Variants in TRIM22 observed in about 807,000 individuals in gnomAD.
The protein encoded by TRIM22 is tripartite motif containing 22.
Under a neutral mutation model 53.6 loss-of-function variants are expected in TRIM22, and 45 were observed. The observed-to-expected ratio is 0.84, with a 90% confidence interval of 0.66 to 1.08. The LOEUF (loss-of-function observed/expected upper bound fraction) is 1.08. Among genes scored for constraint, TRIM22 ranks in the 50% least tolerant of loss-of-function variants. The pLI is 0.00. For missense variants in TRIM22, 616 were observed against 590.9 expected (o/e 1.04, Z -0.44); for synonymous variants, 225 against 216.6 (o/e 1.04, Z -0.34).
chr11:5,696,610 A>AG lies in TRIM22; in HGVS notation c.380dup (p.His128SerfsTer32). 2.5e-6 allele frequency: 4 copies of AG among 1,613,672 alleles called. No homozygotes were observed. Among genetic ancestry groups the AG allele is most frequent in the Non-Finnish European group, 3.4e-6 (4 of 1,180,030 alleles). On this transcript the variant is annotated frameshift_variant, in exon 2 of 8. Coordinates refer to ENST00000379965, the MANE Select transcript of TRIM22 (RefSeq NM_006074.5). LOFTEE classifies it high-confidence loss of function. Reference sequence around the variant, plus strand: ...TTTGTGAACTGTCTCAGGAACACCAAGGTCACCAAACATTCCGCATAAACG... The same window carrying AG: ...TTTGTGAACTGTCTCAGGAACACCAAGGGTCACCAAACATTCCGCATAAACG...
rs11365248 is a variant in TRIM22, at chr11:5,698,585, GA to G, written c.750+45del. The G allele has an allele frequency of 0.011, 16,079 of 1,512,250 alleles. 1,398 individuals are homozygous for G. In the African/African-American group the frequency reaches 0.19, roughly 18 times the overall value. The allele number at this position is 1,512,250 out of a possible 1,614,324, so 93.7% of individuals were successfully genotyped here. A position where few individuals can be genotyped will look rare whatever the true frequency, so the allele number is the denominator to read the frequency against. On this transcript the variant is annotated intron_variant, in intron 4 of 7. Coordinates refer to ENST00000379965, the MANE Select transcript of TRIM22 (RefSeq NM_006074.5). ...GGAGCACCTACGTAAGAGATTAGGG[GA>G]AAAACACAGAGGCCGATTTTCCTTC...
intron 5 of TRIM22, among the ~76,000 whole-genome samples, chr11:5,707,807 A>G (rs986539222): frequency 1.3e-5 from 2 of 150,300 alleles, no homozygotes; most frequent in African/African-American, 5.0e-5. Context: ...GTGAGACCCC[A>G]TCTCAAAACA....
intron 3 of TRIM22, 22 bp from the exon 4 acceptor site, chr11:5,698,293 T>A (rs764443704): frequency 6.2e-7 from 1 of 1,606,514 alleles, no homozygotes; most frequent in South Asian, 1.1e-5. Context: ...ACTGACTGCC[T>A]CTTTCTCTTT....
intron 4 of TRIM22, among the ~76,000 whole-genome samples, chr11:5,699,340 A>C (rs1215857834): frequency 2.3e-5 from 3 of 132,184 alleles, no homozygotes; most frequent in Non-Finnish European, 3.1e-5. Context: ...CTGGCTAACA[A>C]GGTGAAACCC....
At chr11:5,704,676 C>A (rs1270809224) in intron 4 of TRIM22, among the ~76,000 whole-genome samples, 1 of 151,920 alleles carries the variant, frequency 6.6e-6, no homozygotes, top group African/African-American at 2.4e-5. Flanking sequence ...CTCACATTGC[C>A]TTTACTTTTT....
At chr11:5,693,148 A>C (rs1026294059) in intron 1 of TRIM22, among the ~76,000 whole-genome samples, 1 of 149,974 alleles carries the variant, frequency 6.7e-6, no homozygotes, top group East Asian at 2.0e-4. Context: ...CGGCCCCCCA[A>C]ACTGCTGGGA....
Position 5,696,436 on chromosome 11 carries a change from C to T in TRIM22, c.204C>T (p.Leu68=). ...VCQTRFQPGN[L]RPNRHLANIV... is the part of the protein sequence containing the mutation. ...AGACCAGATTCCAGCCTGGGAACCT[C>T]CGACCTAATCGGCATCTGGCCAACA... Residue 68 remains leucine (L), a synonymous_variant, in exon 2 of 8, where the codon CTC becomes CTT. Transcript: ENST00000379965. 1 of 1,614,234 alleles carries T rather than the reference C, an allele frequency of 6.2e-7. No individual in the cohort carries two copies. Among genetic ancestry groups the T allele is most frequent in the Non-Finnish European group, 8.5e-7 (1 of 1,180,042 alleles).
intron 6 of TRIM22, 23 bp from the exon 7 acceptor site, chr11:5,708,554 C>G: frequency 2.5e-6 from 4 of 1,598,694 alleles, no homozygotes; most frequent in Non-Finnish European, 3.4e-6. Context: ...CTAACAACAT[C>G]ACTGAAACTT....
chr11:5,698,603 T>G, intron 4 of TRIM22, 58 bp downstream of exon 4: 5 of 1,407,096 alleles, frequency 3.6e-6, no homozygotes, highest in Non-Finnish European at 4.9e-6. Context: ...CAGAGGCCGA[T>G]TTTCCTTCCC....
intron 4 of TRIM22, among the ~76,000 whole-genome samples, chr11:5,704,302 C>T (rs1351636588): frequency 6.6e-6 from 1 of 151,456 alleles, no homozygotes; most frequent in Non-Finnish European, 1.5e-5. Context: ...CAATGTTGAC[C>T]TTAGTGGTGA....
intron 4 of TRIM22, among the ~76,000 whole-genome samples, chr11:5,704,625 T>A (rs1295744084): frequency 6.6e-6 from 1 of 152,216 alleles, no homozygotes; most frequent in East Asian, 1.9e-4. Context: ...GTGATTTTTT[T>A]AAAGTTTCAT....
chr11:5,697,489 C>A, intron 3 of TRIM22, 146 bp downstream of exon 3: 1 of 556,056 alleles, frequency 1.8e-6, no homozygotes, highest in Non-Finnish European at 3.2e-6. Context: ...TAACTCCTTC[C>A]CTGTTGGAGT....
intron 4 of TRIM22, among the ~76,000 whole-genome samples, chr11:5,702,536 C>A (rs1365174213): frequency 6.6e-6 from 1 of 151,166 alleles, no homozygotes; most frequent in Non-Finnish European, 1.5e-5. Flanking sequence ...GCATTTACAA[C>A]TAATCTAAGT....
At chr11:5,706,920 G>A (rs138574649) in intron 5 of TRIM22, among the ~76,000 whole-genome samples, 26 of 152,246 alleles carry the variant, frequency 1.7e-4, no homozygotes, top group African/African-American at 6.0e-4. Flanking sequence ...ATAGATGCCT[G>A]TCTTATTGCA....
Position 5,709,951 on chromosome 11 carries a change from G to C in TRIM22, c.*303G>C. The stretch of plus-strand genomic sequence containing the variant: ...ATGCCTCTCTCCTTGGCTTGTAGAA[G>C]GCATCTTGTCCCTATGACTCTTCAC... On this transcript the variant is annotated 3_prime_UTR_variant, in exon 8 of 8. Transcript: ENST00000379965. 1 of 339,768 alleles carries C rather than the reference G, an allele frequency of 2.9e-6. No individual in the cohort carries two copies. Among genetic ancestry groups the C allele is most frequent in the Non-Finnish European group, 5.4e-6 (1 of 186,718 alleles). 21.0% of individuals were successfully genotyped at this position (339,768 alleles called of 1,614,324 possible).
At chr11:5,701,813 A>T (rs1853376497) in intron 4 of TRIM22, among the ~76,000 whole-genome samples, 1 of 152,180 alleles carries the variant, frequency 6.6e-6, no homozygotes, top group Admixed American at 6.5e-5. Flanking sequence ...CCTAGCCTCA[A>T]GAACTGTGAG....
chr11:5,700,584 C>CTTTTTTTT (rs756680023), intron 4 of TRIM22, among the ~76,000 whole-genome samples: 3,024 of 29,874 alleles, frequency 0.1, 600 homozygotes, highest in Non-Finnish European at 0.12. Flanking sequence ...CTATAGGAGT[C>CTTTTTTTT]TTTTTTTTTT....
At chr11:5,701,577 C>A (rs10769183) in intron 4 of TRIM22, among the ~76,000 whole-genome samples, 88,717 of 151,714 alleles carry the variant, frequency 0.58, 26,084 homozygotes, top group Admixed American at 0.63. Flanking sequence ...AAATCAGTTG[C>A]TATATAGTGT....
intron 3 of TRIM22, chr11:5,697,734 C>G (rs1432002799): frequency 5.4e-6 from 1 of 184,010 alleles, no homozygotes; most frequent in Non-Finnish European, 1.1e-5. Flanking sequence ...GACAGAGTCT[C>G]TCTCTGTCAT....
Sources: gnomAD v4.1 joint callset for allele counts (sites outside exome capture counted in the v4.1 genomes callset) on GRCh38, gnomAD v4.1.1 for gene constraint, MANE v1.5 for transcripts, NCBI Gene and HGNC (gene_info 2026-07-23, HGNC 2026-07-21) for gene names.